The following THSD7B variants were observed in gnomAD, a reference collection of about 807,000 sequenced individuals.
THSD7B encodes the protein thrombospondin type-1 domain-containing protein 7B.
In THSD7B, 138 loss-of-function variants were observed where a neutral mutation model predicts 213.6. The ratio of observed to expected loss-of-function variants is 0.65; its 90% CI spans 0.56 to 0.74. The LOEUF (loss-of-function observed/expected upper bound fraction) is 0.74, where lower values mean the gene tolerates loss of function less well. THSD7B is among the 30% of genes least tolerant of loss of function. The pLI, the probability that THSD7B is intolerant of heterozygous loss-of-function variation, is 0.00. For synonymous variants in THSD7B, 742 were observed against 687.0 expected, an observed-to-expected ratio of 1.08 and a Z score of -1.25; for missense variants, 1,931 against 1,991.5, an observed-to-expected ratio of 0.97 and a Z score of 0.58.
intron 15 of THSD7B, among the ~76,000 whole-genome samples, chr2:137,453,497 T>A (rs1200586467): frequency 6.6e-6 from 1 of 151,678 alleles, no homozygotes. Context: ...GCCCGGCTAA[T>A]TTTTTGTATT....
At chr2:136,923,144 C>T (rs549402115) in intron 2 of THSD7B, among the ~76,000 whole-genome samples, 2 of 152,292 alleles carry the variant, frequency 1.3e-5, no homozygotes, top group African/African-American at 4.8e-5. Flanking sequence ...TGGCAACCAA[C>T]TATCTGCTTT....
chr2:136,890,687 C>T (rs1683836311), intron 2 of THSD7B, among the ~76,000 whole-genome samples: 1 of 150,378 alleles, frequency 6.6e-6, no homozygotes, highest in South Asian at 2.1e-4. Flanking sequence ...TTACAGGCAT[C>T]CACCAACATG....
chr2:136,935,608 A>G (rs556657950), intron 2 of THSD7B, among the ~76,000 whole-genome samples: 4 of 152,230 alleles, frequency 2.6e-5, no homozygotes, highest in African/African-American at 9.6e-5. Context: ...CCATGGATTA[A>G]AAGACATTAG....
chr2:137,289,127 C>T (rs1683256106), intron 12 of THSD7B, among the ~76,000 whole-genome samples: 1 of 151,820 alleles, frequency 6.6e-6, no homozygotes, highest in African/African-American at 2.4e-5. Context: ...CGGAAGACAG[C>T]AATCCTTAGA....
chr2:137,131,326 G>C (rs192667387), intron 5 of THSD7B, among the ~76,000 whole-genome samples: 1 of 151,950 alleles, frequency 6.6e-6, no homozygotes, highest in East Asian at 1.9e-4. Context: ...CCATTTTGTA[G>C]GTTGCCTGCT....
intron 15 of THSD7B, among the ~76,000 whole-genome samples, chr2:137,518,448 C>T (rs1191313314): frequency 6.6e-6 from 1 of 152,094 alleles, no homozygotes; most frequent in Non-Finnish European, 1.5e-5. Context: ...TGGGCTGTAG[C>T]CAATGGTTTG....
chr2:137,305,847 A>AC (rs1683728995), intron 12 of THSD7B, among the ~76,000 whole-genome samples: 1 of 152,146 alleles, frequency 6.6e-6, no homozygotes, highest in South Asian at 2.1e-4. Flanking sequence ...AGGATAGCCT[A>AC]CTATACACCT....
chr2:137,579,338 A>C (rs1046211616), intron 17 of THSD7B, among the ~76,000 whole-genome samples: 3 of 152,172 alleles, frequency 2.0e-5, no homozygotes. Context: ...TTTTCCTGCC[A>C]TTATACTCAA....
intron 1 of THSD7B, among the ~76,000 whole-genome samples, chr2:136,769,406 G>A (rs1681466348): frequency 6.6e-6 from 1 of 152,162 alleles, no homozygotes; most frequent in African/African-American, 2.4e-5. Context: ...TCATTTGAAA[G>A]GGAAAATCAG....
chr2:136,871,581 A>C (rs74374890), intron 1 of THSD7B, among the ~76,000 whole-genome samples: 182 of 152,334 alleles, frequency 1.2e-3, no homozygotes, highest in African/African-American at 4.1e-3. Context: ...AGATGATCCC[A>C]TGAGGTAATC....
At chr2:137,408,342 T>C (rs1329230678) in intron 13 of THSD7B, among the ~76,000 whole-genome samples, 1 of 147,464 alleles carries the variant, frequency 6.8e-6, no homozygotes, top group East Asian at 2.0e-4. Context: ...TATCTTGATC[T>C]TTTTCTTTTT....
At position 137,642,566 on chromosome 2, in the gene THSD7B, A is replaced by C; in HGVS notation, c.3878A>C (p.Glu1293Ala). The C allele has an allele frequency of 6.2e-7, 1 of 1,613,940 alleles. No individual in the cohort carries two copies. The highest frequency in any genetic ancestry group is 8.5e-7 in the Non-Finnish European group (1 of 1,179,874). The change falls in exon 21 of 28, where the codon GAG (glutamate) becomes GCG (alanine). Residue 1293 changes from glutamate to alanine, a missense_variant. Glu to Ala is a moderately radical substitution (Grantham distance 107). Coordinates refer to ENST00000409968, the MANE Select transcript of THSD7B (RefSeq NM_001316349.2). Reference sequence around the variant, plus strand: ...CCATGCCCCACAGAGCTTACCCAGGAGAAAACCTGCCCAGTGACCCCCTGC... The same window carrying C: ...CCATGCCCCACAGAGCTTACCCAGGCGAAAACCTGCCCAGTGACCCCCTGC... Reference protein sequence around the residue: ...GRPCPTELTQEKTCPVTPCYS... With the variant: ...GRPCPTELTQAKTCPVTPCYS...
intron 15 of THSD7B, among the ~76,000 whole-genome samples, chr2:137,480,680 CAAAT>C (rs972532350): frequency 7.2e-5 from 11 of 152,286 alleles, no homozygotes; most frequent in East Asian, 5.8e-4. Context: ...AATTATAACT[CAAAT>C]AAAGATTTTT....
At chr2:137,552,390 G>A (rs1680866798) in intron 15 of THSD7B, among the ~76,000 whole-genome samples, 1 of 152,128 alleles carries the variant, frequency 6.6e-6, no homozygotes, top group Non-Finnish European at 1.5e-5. Flanking sequence ...TGCACCACTG[G>A]CCCCTCCAGA....
intron 1 of THSD7B, among the ~76,000 whole-genome samples, chr2:136,848,737 G>A (rs1378565116): frequency 6.6e-6 from 1 of 152,100 alleles, no homozygotes; most frequent in Non-Finnish European, 1.5e-5. Context: ...GTTTTATTGA[G>A]AATGAAATGT....
chr2:137,019,038 C>A (rs1482740112), intron 2 of THSD7B, among the ~76,000 whole-genome samples: 4 of 152,134 alleles, frequency 2.6e-5, no homozygotes, highest in Non-Finnish European at 5.9e-5. Context: ...GCCCCCATCC[C>A]AGTAAGTTAC....
chr2:136,773,427 A>G (rs953632222), intron 1 of THSD7B, among the ~76,000 whole-genome samples: 2 of 152,144 alleles, frequency 1.3e-5, no homozygotes, highest in African/African-American at 4.8e-5. Context: ...CAATTCATGT[A>G]TGCAACCTTG....
intron 1 of THSD7B, among the ~76,000 whole-genome samples, chr2:136,806,905 C>G (rs1293181876): frequency 2.0e-5 from 3 of 152,104 alleles, no homozygotes; most frequent in Non-Finnish European, 4.4e-5. Context: ...TTGAAGAGTT[C>G]ATAGTCAGGG....
At chr2:137,245,858 T>G (rs1682020251) in intron 10 of THSD7B, among the ~76,000 whole-genome samples, 1 of 152,200 alleles carries the variant, frequency 6.6e-6, no homozygotes, top group Admixed American at 6.5e-5. Flanking sequence ...AAAACAGTAC[T>G]TCTCAAACTT....
Sources: allele counts gnomAD v4.1 joint callset (sites outside exome capture counted in the v4.1 genomes callset), GRCh38; gene constraint gnomAD v4.1.1; transcripts MANE v1.5; gene names NCBI Gene and HGNC (gene_info 2026-07-23, HGNC 2026-07-21).